Variants in CSMD1 observed in about 807,000 individuals in gnomAD.
The protein encoded by CSMD1 is CUB and Sushi multiple domains 1, also known as CUB and sushi domain-containing protein 1.
CSMD1 carries 213 observed loss-of-function variants against 417.5 expected under a neutral mutation model. The observed-to-expected ratio is 0.51, with a 90% confidence interval of 0.46 to 0.57. CSMD1 has a LOEUF of 0.57. Among genes scored for constraint, CSMD1 ranks in the 20% least tolerant of loss-of-function variants. The pLI, the probability that CSMD1 is intolerant of heterozygous loss-of-function variation, is 0.00. For missense variants in CSMD1, 6,923 were observed against 4,529.7 expected (o/e 1.53, Z -15.17); for synonymous variants, 2,862 against 1,736.8 (o/e 1.65, Z -16.11).
intron 1 of CSMD1, among the ~76,000 whole-genome samples, chr8:4,725,383 T>C (rs571671711): frequency 4.1e-4 from 63 of 152,210 alleles, no homozygotes; most frequent in Non-Finnish European, 7.6e-4. Flanking sequence ...AATGTTGTTT[T>C]GCTTGTGAAA....
At chr8:3,376,614 T>C (rs1026228035) in intron 18 of CSMD1, among the ~76,000 whole-genome samples, 6 of 152,068 alleles carry the variant, frequency 3.9e-5, no homozygotes, top group South Asian at 4.1e-4. Flanking sequence ...TAAAAAAAAT[T>C]TCAAAGTTTT....
At chr8:4,916,208 C>T (rs1806057701) in intron 1 of CSMD1, among the ~76,000 whole-genome samples, 1 of 152,156 alleles carries the variant, frequency 6.6e-6, no homozygotes, top group African/African-American at 2.4e-5. Flanking sequence ...TGAGGCAGCT[C>T]CGTAGATGAC....
At chr8:4,679,309 G>A (rs752785375) in intron 1 of CSMD1, among the ~76,000 whole-genome samples, 6 of 152,180 alleles carry the variant, frequency 3.9e-5, no homozygotes, top group East Asian at 1.9e-4. Context: ...CATGAAGGGC[G>A]AAGTTGACAC....
chr8:3,297,823 T>TA (rs1326448038), intron 25 of CSMD1, among the ~76,000 whole-genome samples: 1 of 151,948 alleles, frequency 6.6e-6, no homozygotes, highest in Non-Finnish European at 1.5e-5. Context: ...AAATATAGTT[T>TA]AAAAATTTGC....
At chr8:3,892,478 C>T (rs547881279) in intron 5 of CSMD1, among the ~76,000 whole-genome samples, 2 of 152,174 alleles carry the variant, frequency 1.3e-5, no homozygotes, top group South Asian at 2.1e-4. Flanking sequence ...CAACTAAGTT[C>T]TGCAAGAGGA....
rs552224479 is a variant in CSMD1, at chr8:4,804,469, T to A, written c.86-166911A>T. Among the ~76,000 whole-genome samples, 95 of 149,538 alleles carry A rather than the reference T, an allele frequency of 6.4e-4. 2 individuals are homozygous for A. In the Middle Eastern group the frequency reaches 0.017, roughly 27 times the overall value. On this transcript the variant is annotated intron_variant, in intron 1 of 69. Transcript: ENST00000635120. ...AGACTTCGGTGTAGATTTTTTTTTT[T>A]TTATTTAAAAAGGGATTCCTGACTG...
At chr8:4,903,628 T>C (rs970524957) in intron 1 of CSMD1, among the ~76,000 whole-genome samples, 1 of 152,196 alleles carries the variant, frequency 6.6e-6, no homozygotes, top group Non-Finnish European at 1.5e-5. Flanking sequence ...GAAGTAAACT[T>C]GGATTAGAAA....
chr8:4,519,936 CGT>C (rs67711521), intron 2 of CSMD1, among the ~76,000 whole-genome samples: 21,180 of 146,960 alleles, frequency 0.14, 1,768 homozygotes, highest in Non-Finnish European at 0.18. Flanking sequence ...TGTGTGTGTG[CGT>C]GTGTGTGTGT....
At chr8:4,349,319 C>T (rs749156067) in intron 3 of CSMD1, among the ~76,000 whole-genome samples, 1 of 152,158 alleles carries the variant, frequency 6.6e-6, no homozygotes, top group African/African-American at 2.4e-5. Flanking sequence ...ACTCTAAGAC[C>T]TCCACAGAAT....
intron 5 of CSMD1, among the ~76,000 whole-genome samples, chr8:3,894,952 T>C (rs906328965): frequency 1.3e-5 from 2 of 152,198 alleles, no homozygotes; most frequent in Non-Finnish European, 2.9e-5. Context: ...TCCAATATGA[T>C]GAATAGGGTA....
intron 39 of CSMD1, among the ~76,000 whole-genome samples, chr8:3,154,668 G>A (rs1418291929): frequency 1.3e-5 from 2 of 152,092 alleles, no homozygotes; most frequent in East Asian, 1.9e-4. Flanking sequence ...TCACCCAGCT[G>A]TAGAGCCCTA....
At chr8:4,037,315 C>T (rs899345954) in intron 3 of CSMD1, among the ~76,000 whole-genome samples, 5 of 152,110 alleles carry the variant, frequency 3.3e-5, no homozygotes, top group Non-Finnish European at 7.3e-5. Flanking sequence ...TTGCTTAGAG[C>T]CACATTTTCC....
chr8:4,496,594 C>G (rs1252705805), intron 2 of CSMD1, among the ~76,000 whole-genome samples: 1 of 152,142 alleles, frequency 6.6e-6, no homozygotes, highest in Non-Finnish European at 1.5e-5. Context: ...CCTTGTGGCT[C>G]TCTTGTTATT....
At chr8:4,368,711 G>A (rs1402592020) in intron 3 of CSMD1, among the ~76,000 whole-genome samples, 1 of 152,130 alleles carries the variant, frequency 6.6e-6, no homozygotes, top group African/African-American at 2.4e-5. Flanking sequence ...TGTATTTCTA[G>A]GAATTTATCT....
At chr8:4,163,111 C>T (rs1797263191) in intron 3 of CSMD1, among the ~76,000 whole-genome samples, 2 of 152,192 alleles carry the variant, frequency 1.3e-5, no homozygotes, top group South Asian at 2.1e-4. Flanking sequence ...GTCTGATACA[C>T]CACAAGTTTA....
At chr8:4,925,687 C>T (rs1265110072) in intron 1 of CSMD1, among the ~76,000 whole-genome samples, 1 of 152,088 alleles carries the variant, frequency 6.6e-6, no homozygotes, top group East Asian at 1.9e-4. Context: ...GCTGGGACTA[C>T]AGGCGCCCGC....
intron 23 of CSMD1, among the ~76,000 whole-genome samples, chr8:3,314,393 C>T (rs1805592984): frequency 6.6e-6 from 1 of 152,072 alleles, no homozygotes; most frequent in Non-Finnish European, 1.5e-5. Flanking sequence ...AGAGTAGTAA[C>T]TTTAAAAACA....
intron 3 of CSMD1, among the ~76,000 whole-genome samples, chr8:4,145,900 C>T (rs1804083364): frequency 6.6e-6 from 1 of 151,064 alleles, no homozygotes; most frequent in South Asian, 2.1e-4. Flanking sequence ...GCTCAATGCT[C>T]ATCCCTTGGC....
intron 1 of CSMD1, among the ~76,000 whole-genome samples, chr8:4,667,518 G>A (rs1049308754): frequency 1.3e-5 from 2 of 151,102 alleles, no homozygotes; most frequent in African/African-American, 4.9e-5. Context: ...CTTTTATGTA[G>A]GTCTTTTTAA....
Sources: gnomAD v4.1 joint callset for allele counts (sites outside exome capture counted in the v4.1 genomes callset) on GRCh38, gnomAD v4.1.1 for gene constraint, MANE v1.5 for transcripts, NCBI Gene and HGNC (gene_info 2026-07-23, HGNC 2026-07-21) for gene names.